Variants in HSD17B12 observed in about 807,000 individuals in gnomAD.
The protein encoded by HSD17B12 is hydroxysteroid 17-beta dehydrogenase 12, also known as very-long-chain 3-oxoacyl-CoA reductase.
A neutral mutation model predicts 39.3 loss-of-function variants in HSD17B12; 32 were observed. The observed-to-expected ratio is 0.81, with a 90% CI of 0.61 to 1.09. The LOEUF (loss-of-function observed/expected upper bound fraction) is 1.09. Among genes scored for constraint, HSD17B12 ranks in the 50% least tolerant of loss-of-function variants. HSD17B12 has a pLI of 0.00. For synonymous variants in HSD17B12, 150 were observed against 146.7 expected, an observed-to-expected ratio of 1.02 and a Z score of -0.16; for missense variants, 342 against 382.9, an observed-to-expected ratio of 0.89 and a Z score of 0.89.
At chr11:43,680,684 G>A (rs1949733415), upstream of HSD17B12, 1 of 739,002 alleles carries the variant, frequency 1.4e-6, no homozygotes, top group Non-Finnish European at 2.4e-6. Flanking sequence ...ACACGGATAT[G>A]GCCCCGCGGG....
chr11:43,613,919 G>A, the HSD17B12 span, among the ~76,000 whole-genome samples: 1 of 152,042 alleles, frequency 6.6e-6, no homozygotes, highest in African/African-American at 2.4e-5. Flanking sequence ...TGCCCACCTC[G>A]GCCTCCCAAA....
chr11:43,802,592 T>A (rs985931672), intron 4 of HSD17B12, among the ~76,000 whole-genome samples: 1 of 152,174 alleles, frequency 6.6e-6, no homozygotes, highest in African/African-American at 2.4e-5. Flanking sequence ...ATTTATTGAT[T>A]TGTCTTAGCT....
chr11:43,842,834 G>A (rs2135133942), intron 9 of HSD17B12, among the ~76,000 whole-genome samples: 1 of 152,346 alleles, frequency 6.6e-6, no homozygotes, highest in Admixed American at 6.5e-5. Flanking sequence ...AGCTGTAAGT[G>A]TCTCAGTGAC....
chr11:43,701,493 T>A (rs563913301), intron 1 of HSD17B12, among the ~76,000 whole-genome samples: 1 of 152,350 alleles, frequency 6.6e-6, no homozygotes, highest in South Asian at 2.1e-4. Context: ...CTTTAATACA[T>A]TTTGATTTGA....
At chr11:43,690,772 C>A (rs184756833) in intron 1 of HSD17B12, among the ~76,000 whole-genome samples, 1 of 151,976 alleles carries the variant, frequency 6.6e-6, no homozygotes, top group Admixed American at 6.6e-5. Context: ...AGTGTTATCA[C>A]CTTAACTTCT....
chr11:43,844,338 C>A (rs543634392), intron 9 of HSD17B12, among the ~76,000 whole-genome samples: 2 of 152,178 alleles, frequency 1.3e-5, no homozygotes, highest in South Asian at 4.2e-4. Flanking sequence ...TTAAAATTGC[C>A]TTCAAGAATT....
At chr11:43,581,531 C>T in the HSD17B12 span, 6 of 458,578 alleles carry the variant, frequency 1.3e-5, no homozygotes, top group African/African-American at 1.2e-4. This position sits in a 1 kb window ranked among gnomAD's most constrained non-coding sequence, Gnocchi z 4.9. Flanking sequence ...GAAGCCCGCA[C>T]CTTCCCGAAG....
chr11:43,689,581 C>T, intron 1 of HSD17B12, among the ~76,000 whole-genome samples: 1 of 152,140 alleles, frequency 6.6e-6, no homozygotes, highest in Non-Finnish European at 1.5e-5. Context: ...GGGTCCTGCT[C>T]TGTCACCCAG....
intron 1 of HSD17B12, among the ~76,000 whole-genome samples, chr11:43,749,079 C>A (rs1950442227): frequency 6.6e-6 from 1 of 152,078 alleles, no homozygotes; most frequent in Non-Finnish European, 1.5e-5. Context: ...AATGCATTAT[C>A]CCTTATGAAG....
At chr11:43,604,779 T>G in the HSD17B12 span, among the ~76,000 whole-genome samples, 3 of 152,356 alleles carry the variant, frequency 2.0e-5, no homozygotes, top group East Asian at 3.9e-4. Flanking sequence ...ACCTCTTAAA[T>G]GTGATTTAAA....
the HSD17B12 span, among the ~76,000 whole-genome samples, chr11:43,654,224 C>A: frequency 6.6e-6 from 1 of 152,186 alleles, no homozygotes; most frequent in Non-Finnish European, 1.5e-5. Flanking sequence ...TATCCTTCGG[C>A]CACTTTTTGA....
At chr11:43,704,836 G>A (rs538225699) in intron 1 of HSD17B12, among the ~76,000 whole-genome samples, 3 of 152,186 alleles carry the variant, frequency 2.0e-5, no homozygotes, top group African/African-American at 4.8e-5. Flanking sequence ...ACTGGGGAAA[G>A]AACCAACACA....
the HSD17B12 span, among the ~76,000 whole-genome samples, chr11:43,655,253 T>C: frequency 7.2e-5 from 11 of 152,284 alleles, no homozygotes; most frequent in African/African-American, 2.2e-4. Context: ...GCACATTGAT[T>C]TTGTATCCTG....
chr11:43,811,506 T>G (rs1951072859), intron 4 of HSD17B12, among the ~76,000 whole-genome samples: 2 of 152,238 alleles, frequency 1.3e-5, no homozygotes, highest in Admixed American at 1.3e-4. Context: ...CTTTTATTTA[T>G]GAAAACATAG....
intron 1 of HSD17B12, among the ~76,000 whole-genome samples, chr11:43,747,562 T>C (rs1950423305): frequency 6.6e-6 from 1 of 152,184 alleles, no homozygotes; most frequent in East Asian, 1.9e-4. Flanking sequence ...GAGTGAGAGC[T>C]GCTCTCTTAT....
the HSD17B12 span, chr11:43,559,623 T>C: frequency 6.4e-6 from 1 of 155,928 alleles, no homozygotes; most frequent in Admixed American, 6.5e-5. Context: ...CTCTGTCAAG[T>C]CCGAAGATGC....
upstream of HSD17B12, among the ~76,000 whole-genome samples, chr11:43,676,707 G>T (rs1409570638): frequency 3.3e-5 from 5 of 152,306 alleles, no homozygotes; most frequent in East Asian, 9.7e-4. Context: ...TTAGATATTT[G>T]TTGGGGTACC....
chr11:43,577,983 G>A, the HSD17B12 span, among the ~76,000 whole-genome samples: 2 of 152,188 alleles, frequency 1.3e-5, no homozygotes, highest in African/African-American at 4.8e-5. Flanking sequence ...CCGAATCTGT[G>A]GCCAGACAGG....
intron 3 of HSD17B12, among the ~76,000 whole-genome samples, chr11:43,784,101 C>T (rs760656275): frequency 6.6e-6 from 1 of 152,174 alleles, no homozygotes; most frequent in African/African-American, 2.4e-5. Context: ...GCTGAGCTCC[C>T]TCAAAAAGAA....
Sources: allele counts gnomAD v4.1 joint callset (sites outside exome capture counted in the v4.1 genomes callset), GRCh38; gene constraint gnomAD v4.1.1; non-coding constraint Gnocchi (gnomAD v3.1); transcripts MANE v1.5; gene names NCBI Gene and HGNC (gene_info 2026-07-23, HGNC 2026-07-21).